ENTREP2: variants seen among roughly 807,000 people sequenced by gnomAD.
The protein encoded by ENTREP2 is protein ENTREP2.
chr15:29,213,852 AAAC>A, the ENTREP2 span, among the ~76,000 whole-genome samples: 1 of 152,212 alleles, frequency 6.6e-6, no homozygotes, highest in Non-Finnish European at 1.5e-5. Flanking sequence ...TACAAGAAAA[AAAC>A]AACCCTATCT....
the ENTREP2 span, among the ~76,000 whole-genome samples, chr15:29,391,080 C>G: frequency 6.6e-6 from 1 of 152,202 alleles, no homozygotes; most frequent in South Asian, 2.1e-4. Flanking sequence ...CTTCACCCTC[C>G]GTCAATTCTC....
At chr15:29,308,159 G>A in the ENTREP2 span, among the ~76,000 whole-genome samples, 2 of 151,950 alleles carry the variant, frequency 1.3e-5, no homozygotes, top group African/African-American at 4.8e-5. Context: ...ACAGGAATTC[G>A]AACTGTCTTG....
the ENTREP2 span, among the ~76,000 whole-genome samples, chr15:29,369,870 A>G: frequency 6.6e-6 from 1 of 152,190 alleles, no homozygotes; most frequent in Non-Finnish European, 1.5e-5. Context: ...ATTAGTTTTG[A>G]TAAGAGTTAA....
At chr15:29,261,251 G>C in the ENTREP2 span, among the ~76,000 whole-genome samples, 27 of 152,306 alleles carry the variant, frequency 1.8e-4, no homozygotes, top group Middle Eastern at 6.8e-3. Flanking sequence ...GGTGGTGCTC[G>C]CCTGTAATCC....
chr15:29,343,027 T>TGGG, the ENTREP2 span, among the ~76,000 whole-genome samples: 8,641 of 130,512 alleles, frequency 0.066, 413 homozygotes, highest in South Asian at 0.12. Context: ...TAAAAAGGAA[T>TGGG]GGGGGGGGTG....
At chr15:29,128,086 G>A in the ENTREP2 span, among the ~76,000 whole-genome samples, 3 of 152,208 alleles carry the variant, frequency 2.0e-5, no homozygotes, top group African/African-American at 4.8e-5. Context: ...GCCCTGGGGC[G>A]ATCATCCTGG....
At chr15:29,260,638 G>A in the ENTREP2 span, among the ~76,000 whole-genome samples, 16 of 152,304 alleles carry the variant, frequency 1.1e-4, no homozygotes, top group East Asian at 2.9e-3. Context: ...TATGGCATTT[G>A]TTTCTAAGTA....
the ENTREP2 span, among the ~76,000 whole-genome samples, chr15:29,446,050 G>C: frequency 7.2e-5 from 11 of 152,178 alleles, no homozygotes; most frequent in African/African-American, 2.7e-4. Flanking sequence ...ATCTCGAACA[G>C]TGCCCTTATA....
At chr15:29,219,959 C>G in the ENTREP2 span, among the ~76,000 whole-genome samples, 1 of 151,740 alleles carries the variant, frequency 6.6e-6, no homozygotes, top group Non-Finnish European at 1.5e-5. Context: ...CAAGTCACCA[C>G]TAAAGATCCT....
chr15:29,366,022 A>G, the ENTREP2 span, among the ~76,000 whole-genome samples: 4 of 152,132 alleles, frequency 2.6e-5, no homozygotes, highest in Non-Finnish European at 5.9e-5. Context: ...GTTATCACCT[A>G]CTGGGATAAA....
chr15:29,144,056 G>A, the ENTREP2 span, among the ~76,000 whole-genome samples: 2 of 152,152 alleles, frequency 1.3e-5, no homozygotes, highest in African/African-American at 4.8e-5. Flanking sequence ...GTGGGAGGAG[G>A]AGGGAAGTGA....
chr15:29,647,630 G>C, the ENTREP2 span, among the ~76,000 whole-genome samples: 4 of 152,066 alleles, frequency 2.6e-5, no homozygotes, highest in African/African-American at 9.7e-5. Context: ...AGGTATTTGG[G>C]CAGTAATACC....
the ENTREP2 span, among the ~76,000 whole-genome samples, chr15:29,468,895 T>A: frequency 1.3e-5 from 2 of 152,058 alleles, no homozygotes; most frequent in East Asian, 3.9e-4. Context: ...ACAAAAAAAA[T>A]ATATTAATAT....
the ENTREP2 span, among the ~76,000 whole-genome samples, chr15:29,188,330 G>C: frequency 1.3e-5 from 2 of 152,028 alleles, no homozygotes; most frequent in Non-Finnish European, 2.9e-5. Context: ...GTGCCATGGT[G>C]GTTTGCTGCA....
the ENTREP2 span, among the ~76,000 whole-genome samples, chr15:29,356,552 G>A: frequency 4.0e-3 from 607 of 151,608 alleles, 6 homozygotes; most frequent in African/African-American, 0.014. Context: ...TGATCCGCCC[G>A]CCTCGGCCTC....
At chr15:29,225,173 G>A in the ENTREP2 span, among the ~76,000 whole-genome samples, 1 of 152,166 alleles carries the variant, frequency 6.6e-6, no homozygotes, top group Non-Finnish European at 1.5e-5. Flanking sequence ...TCCAGCCTTG[G>A]CCAGCCCAGA....
chr15:29,464,184 G>A, the ENTREP2 span, among the ~76,000 whole-genome samples: 1 of 152,056 alleles, frequency 6.6e-6, no homozygotes. Context: ...CTTAAAAATG[G>A]CTAAGACGGT....
the ENTREP2 span, among the ~76,000 whole-genome samples, chr15:29,134,584 C>T: frequency 3.7e-4 from 56 of 152,276 alleles, no homozygotes; most frequent in African/African-American, 9.6e-4. Context: ...CGTCTGAATG[C>T]GCTGTCCATA....
the ENTREP2 span, among the ~76,000 whole-genome samples, chr15:29,450,506 T>C: frequency 2.0e-5 from 3 of 152,324 alleles, no homozygotes; most frequent in East Asian, 3.9e-4. Context: ...CACTGCTTGC[T>C]TTGCAGGTGG....
Sources: allele counts gnomAD v4.1 joint callset (sites outside exome capture counted in the v4.1 genomes callset), GRCh38; gene constraint gnomAD v4.1.1; transcripts MANE v1.5; gene names NCBI Gene and HGNC (gene_info 2026-07-23, HGNC 2026-07-21).